Variants in FBXL13 observed in about 807,000 individuals in gnomAD.
The protein encoded by FBXL13 is F-box and leucine rich repeat protein 13, also known as F-box and leucine-rich repeat protein 13.
Under a neutral mutation model 83.6 loss-of-function variants are expected in FBXL13, and 67 were observed. That is an observed-to-expected ratio of 0.80 (90% CI 0.66 to 0.98). FBXL13 has a LOEUF of 0.98. Ranked by LOEUF, FBXL13 falls within the 50% of genes least tolerant of loss-of-function variation. FBXL13 has a pLI of 0.00. For synonymous variants in FBXL13, 272 were observed against 299.5 expected, an observed-to-expected ratio of 0.91 and a Z score of 0.95; for missense variants, 822 against 866.5, an observed-to-expected ratio of 0.95 and a Z score of 0.64.
chr7:102,933,677 T>A (rs946740175), intron 8 of FBXL13: 2 of 327,144 alleles, frequency 6.1e-6, no homozygotes, highest in African/African-American at 4.3e-5. Context: ...TCTGTGGAAC[T>A]AGAAGGCCTT....
rs761333922 is a variant in FBXL13 at position 102,878,317 on chromosome 7, C to A, written c.1508+14G>T. 2 of 1,583,324 alleles carry A rather than the reference C, an allele frequency of 1.3e-6. No homozygotes were observed. Among genetic ancestry groups the A allele is most frequent in the Non-Finnish European group, 8.6e-7 (1 of 1,167,992 alleles). ...AATACTAATGATATGATGTAAAAGA[C>A]TGTTTTATCATACCGCTCAGATAGT... On this transcript the variant is annotated intron_variant, in intron 15 of 19. Coordinates refer to ENST00000313221, the Ensembl canonical transcript of FBXL13.
At chr7:102,908,559 C>A (rs1352678582) in intron 11 of FBXL13, among the ~76,000 whole-genome samples, 1 of 151,490 alleles carries the variant, frequency 6.6e-6, no homozygotes, top group Non-Finnish European at 1.5e-5. Flanking sequence ...TTGGGAAGGC[C>A]TTCCAGATAT....
intron 6 of FBXL13, among the ~76,000 whole-genome samples, chr7:102,990,605 A>G (rs141689263): frequency 5.7e-4 from 87 of 152,310 alleles, no homozygotes; most frequent in Admixed American, 2.0e-3. Context: ...AAGAGAGTAA[A>G]AAGTATCTCA....
intron 1 of FBXL13, among the ~76,000 whole-genome samples, chr7:103,056,036 T>C (rs1405606469): frequency 1.3e-5 from 2 of 152,140 alleles, no homozygotes. Context: ...CCAAAGTCCA[T>C]TGTATCATTC....
At chr7:102,811,364 T>G (rs1797425761), downstream of FBXL13, among the ~76,000 whole-genome samples, 1 of 152,232 alleles carries the variant, frequency 6.6e-6, no homozygotes, top group East Asian at 1.9e-4. Flanking sequence ...ATCTTTGATA[T>G]TTTGAGTAGT....
chr7:102,844,133 C>T (rs1396136054), intron 17 of FBXL13, among the ~76,000 whole-genome samples: 2 of 152,234 alleles, frequency 1.3e-5, no homozygotes, highest in Non-Finnish European at 2.9e-5. Context: ...ATACTACCCA[C>T]TGCATTCTGG....
At chr7:103,058,128 C>T (rs546458511) in intron 1 of FBXL13, among the ~76,000 whole-genome samples, 1 of 152,248 alleles carries the variant, frequency 6.6e-6, no homozygotes, top group East Asian at 1.9e-4. Flanking sequence ...TTGGACCCTG[C>T]ATAATAACAA....
chr7:103,009,485 C>T (rs111904662), intron 6 of FBXL13, among the ~76,000 whole-genome samples: 6 of 152,252 alleles, frequency 3.9e-5, no homozygotes, highest in African/African-American at 1.4e-4. Flanking sequence ...AGGACTTGTG[C>T]AAGACTGGGA....
intron 6 of FBXL13, among the ~76,000 whole-genome samples, chr7:102,968,973 T>C (rs1411160003): frequency 6.6e-6 from 1 of 152,228 alleles, no homozygotes; most frequent in Non-Finnish European, 1.5e-5. Context: ...CTGAAAAATT[T>C]CTATTGTCTA....
At chr7:103,024,851 ATATATATT>A (rs1458093654) in intron 6 of FBXL13, among the ~76,000 whole-genome samples, 2 of 94,970 alleles carry the variant, frequency 2.1e-5, no homozygotes, top group African/African-American at 9.5e-5. Context: ...ATATATATAT[ATATATATT>A]TTTTTTTTTT....
chr7:102,883,211 T>G (rs74650508), intron 14 of FBXL13, 94 bp downstream of exon 15: 1 of 1,255,626 alleles, frequency 8.0e-7, no homozygotes, highest in South Asian at 1.7e-5. Context: ...TTGACTTTCA[T>G]GTTTACCCCA....
intron 8 of FBXL13, 121 bp downstream of exon 9, chr7:102,963,412 A>G (rs1205261180): frequency 8.6e-7 from 1 of 1,163,094 alleles, no homozygotes; most frequent in Admixed American, 2.7e-5. Flanking sequence ...AATGGTTATA[A>G]TTGGTATCCT....
At chr7:102,897,296 G>A (rs930355951) in intron 11 of FBXL13, among the ~76,000 whole-genome samples, 26 of 151,874 alleles carry the variant, frequency 1.7e-4, no homozygotes, top group African/African-American at 6.3e-4. Context: ...TGAACCCTGG[G>A]GCCCTCTGTG....
intron 6 of FBXL13, among the ~76,000 whole-genome samples, chr7:102,994,233 G>C (rs1829866194): frequency 6.6e-6 from 1 of 151,714 alleles, no homozygotes; most frequent in African/African-American, 2.4e-5. Flanking sequence ...ACATTATTTG[G>C]GGAAATTTTG....
At chr7:102,814,177 C>A (rs1030719584) in intron 19 of FBXL13, among the ~76,000 whole-genome samples, 2 of 152,102 alleles carry the variant, frequency 1.3e-5, no homozygotes, top group African/African-American at 4.8e-5. Flanking sequence ...ATTTTGAGGA[C>A]AGAAGGAAGA....
chr7:102,963,554 G>T lies in FBXL13; in HGVS notation c.703C>A (p.Pro235Thr), dbSNP rs751293172. The T allele has an allele frequency of 5.6e-6, 9 of 1,612,814 alleles. No individual in the cohort carries two copies. The highest frequency in any genetic ancestry group is 2.5e-6 in the Non-Finnish European group (3 of 1,179,724). ...TTACTGACAGATCTGAAAGTTTTGG[G>T]TCGGAGAAGACAACCACGAAAATTC... Residue 235 changes from proline to threonine, a missense_variant, in exon 8 of 20, where the codon CCC becomes ACC. Pro to Thr is a conservative substitution (Grantham distance 38). Coordinates refer to ENST00000313221, the Ensembl canonical transcript of FBXL13.
chr7:102,942,559 T>A lies in FBXL13; in HGVS notation c.725-10626A>T, dbSNP rs1821663875. 2.0e-5 allele frequency among the ~76,000 whole-genome samples: 3 copies of A among 152,208 alleles called. No individual in the cohort carries two copies. In the South Asian group the frequency reaches 6.2e-4, roughly 31 times the overall value. On this transcript the variant is annotated intron_variant, in intron 8 of 19. Coordinates refer to ENST00000313221, the Ensembl canonical transcript of FBXL13. ...ACACTTTCAAAATAAAATCTAGGAA[T>A]GTTTACATATGCTTTTAATCTCAAA...
At chr7:102,952,399 T>C (rs1193763834) in intron 8 of FBXL13, among the ~76,000 whole-genome samples, 2 of 152,202 alleles carry the variant, frequency 1.3e-5, no homozygotes, top group Non-Finnish European at 2.9e-5. Context: ...AAATGGTTGT[T>C]TGAAACAATC....
chr7:103,036,076 C>T (rs1283157873), intron 2 of FBXL13, among the ~76,000 whole-genome samples: 1 of 152,152 alleles, frequency 6.6e-6, no homozygotes, highest in African/African-American at 2.4e-5. Flanking sequence ...GCACGAACCC[C>T]ACTGTGAACT....
Sources: allele counts gnomAD v4.1 joint callset (sites outside exome capture counted in the v4.1 genomes callset), GRCh38; gene constraint gnomAD v4.1.1; transcripts MANE v1.5; gene names NCBI Gene and HGNC (gene_info 2026-07-23, HGNC 2026-07-21).